CCNH: variants seen among roughly 807,000 people sequenced by gnomAD.
CCNH encodes the protein cyclin H.
CCNH carries 31 observed loss-of-function variants against 41.9 expected under a neutral mutation model. The observed-to-expected ratio is 0.74, with a 90% CI of 0.56 to 1.00. CCNH has a LOEUF of 1.00. Ranked by LOEUF, CCNH falls within the 50% of genes least tolerant of loss-of-function variation. The pLI, the probability that CCNH is intolerant of heterozygous loss-of-function variation, is 0.00. For missense variants in CCNH, 362 were observed against 388.4 expected (o/e 0.93, Z 0.57); for synonymous variants, 138 against 136.1 (o/e 1.01, Z -0.10).
In CCNH at chr5:87,383,353, TA is replaced by T. The variant is rs564571055; in HGVS notation, c.*90+9416del. On this transcript the variant is annotated intron_variant and NMD_transcript_variant, in intron 9 of 9. Transcript: ENST00000645953. ...ACTCCTGTGGTATTTCAGAAATTCT[TA>T]AGATTCCTGAGGATACTACTTTCTC... Among the ~76,000 whole-genome samples the T allele has an allele frequency of 4.6e-5, 7 of 152,260 alleles. No individual in the cohort carries two copies. In the East Asian group the frequency reaches 1.4e-3, roughly 29 times the overall value.
chr5:87,380,617 G>T, upstream of CCNH: 1 of 1,553,544 alleles, frequency 6.4e-7, no homozygotes, highest in Non-Finnish European at 8.9e-7. Context: ...CAATTGATTT[G>T]TTAAATCACA....
chr5:87,361,395 A>G (rs1052942762), intron 9 of CCNH, among the ~76,000 whole-genome samples: 2 of 152,222 alleles, frequency 1.3e-5, no homozygotes, highest in Non-Finnish European at 2.9e-5. Context: ...ATGAAACAGC[A>G]TAATGTTTCA....
chr5:87,378,389 TG>T (rs747443446), upstream of CCNH: 13 of 1,612,520 alleles, frequency 8.1e-6, no homozygotes, highest in Non-Finnish European at 1.1e-5. Context: ...TGTAAATATT[TG>T]TGTAGATGAA....
rs1367970244 is a variant in CCNH, at chr5:87,377,126, T to A, written n.55A>T. 7 of 1,457,590 alleles carry A rather than the reference T, an allele frequency of 4.8e-6. No homozygotes were observed. In the African/African-American group the frequency reaches 9.8e-5, roughly 20 times the overall value. The allele number at this position is 1,457,590 out of a possible 1,614,324, so 90.3% of individuals were successfully genotyped here. On this transcript the variant is annotated non_coding_transcript_exon_variant, in exon 1 of 1. Coordinates refer to the CCNH transcript ENST00000607486. The stretch of plus-strand genomic sequence containing the variant: ...ATATGGACTCTATCTCTGAATATAC[T>A]AAATTGTTAAATTATATTGCAAAAT...
intron 9 of CCNH, among the ~76,000 whole-genome samples, chr5:87,346,975 G>A: frequency 6.6e-6 from 1 of 151,702 alleles, no homozygotes; most frequent in East Asian, 1.9e-4. Flanking sequence ...CTAGGTGACA[G>A]TTTTTTTTCC....
At chr5:87,313,342 G>T in the CCNH span, among the ~76,000 whole-genome samples, 1 of 152,124 alleles carries the variant, frequency 6.6e-6, no homozygotes, top group African/African-American at 2.4e-5. Flanking sequence ...ACTACCACAG[G>T]GTAGGAGGAC....
chr5:87,360,123 A>ATT (rs1759962456), intron 9 of CCNH, among the ~76,000 whole-genome samples: 1 of 140,668 alleles, frequency 7.1e-6, no homozygotes, highest in African/African-American at 2.7e-5. Context: ...ATCAAAATGC[A>ATT]GTTTTTTTTT....
intron 9 of CCNH, among the ~76,000 whole-genome samples, chr5:87,352,476 T>C (rs1434414363): frequency 6.6e-6 from 1 of 151,790 alleles, no homozygotes; most frequent in Non-Finnish European, 1.5e-5. Flanking sequence ...TCTTACTGAT[T>C]ATAGAGAAAC....
chr5:87,362,568 C>G lies in CCNH; in HGVS notation c.*90+30202G>C, dbSNP rs780071686. 1.2e-5 allele frequency: 19 copies of G among 1,592,782 alleles called. No homozygotes were observed. Among genetic ancestry groups the G allele is most frequent in the African/African-American group, 2.7e-5 (2 of 74,330 alleles). ...AAATTCAGGATCAAGAACAAGTACTCAATGACACAGTGGATGGCAAGGAAA... is the reference window on the plus strand; with the variant it reads ...AAATTCAGGATCAAGAACAAGTACTGAATGACACAGTGGATGGCAAGGAAA... On this transcript the variant is annotated intron_variant and NMD_transcript_variant, in intron 9 of 9. Coordinates refer to the CCNH transcript ENST00000645953.
chr5:87,357,954 A>G (rs1304397192), intron 9 of CCNH, among the ~76,000 whole-genome samples: 2 of 152,194 alleles, frequency 1.3e-5, no homozygotes, highest in African/African-American at 2.4e-5. Context: ...TTTGTAGTCT[A>G]TTATTTTGGA....
chr5:87,355,513 TACTGATC>T (rs1263773389), intron 9 of CCNH, among the ~76,000 whole-genome samples: 15 of 152,326 alleles, frequency 9.8e-5, no homozygotes, highest in African/African-American at 3.6e-4. Context: ...TTGAAAATGT[TACTGATC>T]ACTGACAATG....
the CCNH span, among the ~76,000 whole-genome samples, chr5:87,312,976 T>C: frequency 6.6e-6 from 1 of 152,196 alleles, no homozygotes; most frequent in African/African-American, 2.4e-5. Flanking sequence ...AATGATACTT[T>C]CCCTGTTGGA....
chr5:87,339,963 T>G (rs901316273), intron 9 of CCNH, among the ~76,000 whole-genome samples: 1 of 152,130 alleles, frequency 6.6e-6, no homozygotes, highest in Non-Finnish European at 1.5e-5. Flanking sequence ...TCTAAAATTC[T>G]AATTACAGTT....
chr5:87,378,998 C>A (rs752235986), upstream of CCNH, among the ~76,000 whole-genome samples: 1 of 152,080 alleles, frequency 6.6e-6, no homozygotes, highest in Non-Finnish European at 1.5e-5. Flanking sequence ...AGTATAAATT[C>A]ATAATACACT....
chr5:87,357,809 G>A (rs773640031), intron 9 of CCNH, among the ~76,000 whole-genome samples: 26 of 152,138 alleles, frequency 1.7e-4, no homozygotes, highest in Non-Finnish European at 3.2e-4. Flanking sequence ...CCTTGCTCTT[G>A]TGTTAGTTTT....
At chr5:87,411,154 G>A (rs896379377) in intron 2 of CCNH, 70 bp downstream of exon 2, 5 of 1,460,206 alleles carry the variant, frequency 3.4e-6, no homozygotes, top group Non-Finnish European at 4.6e-6. Context: ...GAGTGGACAG[G>A]GAATTTAGAA....
At chr5:87,411,973 G>T (rs759234750) in intron 1 of CCNH, among the ~76,000 whole-genome samples, 4 of 152,142 alleles carry the variant, frequency 2.6e-5, no homozygotes, top group Non-Finnish European at 5.9e-5. Flanking sequence ...TGTAACAGAA[G>T]GAACTTGGCT....
intron 4 of CCNH, among the ~76,000 whole-genome samples, chr5:87,407,389 G>A (rs760252395): frequency 1.3e-5 from 2 of 152,156 alleles, no homozygotes; most frequent in Non-Finnish European, 2.9e-5. Flanking sequence ...TTGAGCCACT[G>A]ATCTAACATG....
Position 87,412,746 on chromosome 5 carries a change from C to T in CCNH, c.49G>A (p.Glu17Lys). 1 of 1,614,160 alleles carries T rather than the reference C, an allele frequency of 6.2e-7. No individual in the cohort carries two copies. Among genetic ancestry groups the T allele is most frequent in the African/African-American group, 1.3e-5 (1 of 75,042 alleles). Residue 17 changes from glutamate (E) to lysine (K), a missense_variant, in exon 1 of 9, where the codon GAG becomes AAG. Coordinates refer to ENST00000256897, the MANE Select transcript of CCNH (RefSeq NM_001239.4). ...QKRHWTFSSE[E>K]QLARLRADAN... The stretch of plus-strand genomic sequence containing the variant: ...TCAGCCCGCAGTCTTGCCAGCTGCT[C>T]CTCGCTGGAGAAGGTCCAGTGCCGC...
Sources: gnomAD v4.1 joint callset for allele counts (sites outside exome capture counted in the v4.1 genomes callset) on GRCh38, gnomAD v4.1.1 for gene constraint, MANE v1.5 for transcripts, NCBI Gene and HGNC (gene_info 2026-07-23, HGNC 2026-07-21) for gene names.